IQCE: variants seen among roughly 807,000 people sequenced by gnomAD.
IQCE encodes the protein IQ domain-containing protein E.
In IQCE, 115 loss-of-function variants were observed where a neutral mutation model predicts 96.0. The ratio of observed to expected loss-of-function variants is 1.20; its 90% CI spans 1.03 to 1.40. The LOEUF (loss-of-function observed/expected upper bound fraction) is 1.40. Among genes scored for constraint, IQCE ranks in the 40% most tolerant of loss-of-function variants. IQCE has a pLI of 0.00. For synonymous variants in IQCE, 412 were observed against 371.2 expected (o/e 1.11, Z -1.26); for missense variants, 1,041 against 909.1 (o/e 1.15, Z -1.87).
At chr7:2,595,921 T>C (rs1784002220) in intron 16 of IQCE, among the ~76,000 whole-genome samples, 2 of 152,174 alleles carry the variant, frequency 1.3e-5, no homozygotes, top group African/African-American at 4.8e-5. Context: ...GCAGCCATGC[T>C]CTGCTCACCA....
intron 16 of IQCE, among the ~76,000 whole-genome samples, chr7:2,596,642 T>G (rs1391502099): frequency 1.3e-5 from 2 of 152,220 alleles, no homozygotes; most frequent in African/African-American, 4.8e-5. Flanking sequence ...TCAAGGAATT[T>G]ATAAGCGTGT....
At chr7:2,559,835 G>A (rs918794904) in intron 1 of IQCE, among the ~76,000 whole-genome samples, 1 of 148,202 alleles carries the variant, frequency 6.7e-6, no homozygotes, top group South Asian at 2.2e-4. Flanking sequence ...AAAGTGAGAA[G>A]TGCTGTGCAG....
chr7:2,594,438 T>C (rs1783859220), intron 15 of IQCE, among the ~76,000 whole-genome samples: 1 of 152,248 alleles, frequency 6.6e-6, no homozygotes, highest in Admixed American at 6.5e-5. Context: ...TCATACTGTT[T>C]ACTAAAACCC....
chr7:2,579,189 C>T (rs76032255), intron 8 of IQCE, among the ~76,000 whole-genome samples: 26 of 152,164 alleles, frequency 1.7e-4, no homozygotes, highest in Non-Finnish European at 3.5e-4. Context: ...TGTTGCGGTT[C>T]GGTGGTAATG....
At chr7:2,598,681 T>A in intron 17 of IQCE, 49 bp downstream of exon 17, 1 of 1,419,504 alleles carries the variant, frequency 7.0e-7, no homozygotes, top group Admixed American at 3.1e-5. Context: ...GTCTTCGTGC[T>A]CCAAGGCAAG....
At chr7:2,604,574 T>TG (rs1171798960) in intron 18 of IQCE, among the ~76,000 whole-genome samples, 1 of 152,132 alleles carries the variant, frequency 6.6e-6, no homozygotes, top group African/African-American at 2.4e-5. Context: ...TAACCATGTG[T>TG]GAAATACCAG....
rs1785178416 is a variant in IQCE at position 2,613,300 on chromosome 7, G to A, written c.*3138G>A. On this transcript the variant is annotated 3_prime_UTR_variant, in exon 22 of 22. Transcript: ENST00000402050. ...ACCCGGAGGTGTGCTCTCCCCTAGA[G>A]GCCTGTCCCCAACTCCTCCCCTAGA... The A allele has an allele frequency of 6.6e-6, 1 of 152,312 alleles. No homozygotes were observed. The highest frequency in any genetic ancestry group is 2.4e-5 in the African/African-American group (1 of 41,424). The allele number at this position is 152,312 out of a possible 1,614,324, so 9.4% of individuals were successfully genotyped here.
chr7:2,576,912 C>G (rs1225889805), intron 6 of IQCE, among the ~76,000 whole-genome samples: 1 of 152,194 alleles, frequency 6.6e-6, no homozygotes, highest in Non-Finnish European at 1.5e-5. Flanking sequence ...CGTGGTGCGG[C>G]ACCGTCCAGC....
At chr7:2,597,075 G>A (rs1043285901) in intron 16 of IQCE, 13 of 471,090 alleles carry the variant, frequency 2.8e-5, no homozygotes, top group African/African-American at 1.2e-4. Context: ...GCCAGGAGGC[G>A]GCAGGGTCGT....
intron 13 of IQCE, among the ~76,000 whole-genome samples, chr7:2,588,654 G>GGT: frequency 2.0e-5 from 1 of 49,758 alleles, no homozygotes; most frequent in African/African-American, 8.7e-5. Flanking sequence ...TGCCTGGCTG[G>GGT]TTTTTTTTTT....
At chr7:2,609,211 C>CA (rs1196568198) in intron 21 of IQCE, among the ~76,000 whole-genome samples, 1 of 151,986 alleles carries the variant, frequency 6.6e-6, no homozygotes, top group African/African-American at 2.4e-5. Flanking sequence ...AAGGAGCATC[C>CA]AAGGGGGAAT....
chr7:2,579,663 T>C (rs1009309797), intron 8 of IQCE, among the ~76,000 whole-genome samples: 2 of 151,886 alleles, frequency 1.3e-5, no homozygotes, highest in Admixed American at 6.6e-5. Context: ...GTGGGTACTT[T>C]TGTAAAGAAA....
At chr7:2,581,147 A>G (rs1782635140) in intron 8 of IQCE, among the ~76,000 whole-genome samples, 1 of 152,076 alleles carries the variant, frequency 6.6e-6, no homozygotes, top group South Asian at 2.1e-4. Context: ...CCAGCCCTGT[A>G]ACATCTTCTT....
chr7:2,596,152 G>T (rs546685728), intron 16 of IQCE, among the ~76,000 whole-genome samples: 6 of 152,168 alleles, frequency 3.9e-5, no homozygotes, highest in African/African-American at 1.4e-4. Context: ...CCAGCTGCTC[G>T]GGAGGCAGCG....
chr7:2,576,027 C>T (rs946877330), intron 6 of IQCE, among the ~76,000 whole-genome samples: 2 of 152,208 alleles, frequency 1.3e-5, no homozygotes, highest in African/African-American at 2.4e-5. Context: ...GCTGGGCCTT[C>T]GCTAATTTAC....
chr7:2,559,460 G>C, intron 1 of IQCE: 1 of 269,492 alleles, frequency 3.7e-6, no homozygotes, highest in Non-Finnish European at 6.9e-6. Flanking sequence ...TCTCCGGGAC[G>C]CCGCGCCCTC....
chr7:2,585,921 C>T (rs955751827), intron 11 of IQCE, among the ~76,000 whole-genome samples: 1 of 152,220 alleles, frequency 6.6e-6, no homozygotes, highest in African/African-American at 2.4e-5. Flanking sequence ...TGCCTTTCCA[C>T]AGCCCTTCTA....
At chr7:2,582,259 T>A (rs1782732334) in intron 8 of IQCE, among the ~76,000 whole-genome samples, 1 of 152,144 alleles carries the variant, frequency 6.6e-6, no homozygotes, top group African/African-American at 2.4e-5. Context: ...TTTTATTTAA[T>A]ATAATCAAGG....
In IQCE at chr7:2,605,933, C is replaced by T. The variant is rs1784786858; in HGVS notation, c.1801C>T (p.Gln601Ter). The change falls in exon 20 of 22, where the codon CAG becomes TAG. Residue 601 changes from glutamine to a stop codon, truncating the protein, a stop_gained. Transcript: ENST00000402050. LOFTEE classifies it high-confidence loss of function. ...CGCCCAGGCCACGGGCAGCCCTGTG[C>T]AGGAGGAGGCCATCGTCATCATCCA... ...PIAQATGSPV[Q>*]EEAIVIIQSA... 1.2e-6 allele frequency: 2 copies of T among 1,611,228 alleles called. No homozygotes were observed. Among genetic ancestry groups the T allele is most frequent in the Non-Finnish European group, 1.7e-6 (2 of 1,179,312 alleles).
Sources: gnomAD v4.1 joint callset for allele counts (sites outside exome capture counted in the v4.1 genomes callset) on GRCh38, gnomAD v4.1.1 for gene constraint, MANE v1.5 for transcripts, NCBI Gene and HGNC (gene_info 2026-07-23, HGNC 2026-07-21) for gene names.